The following SH3GL1 variants were observed in gnomAD, a reference collection of about 807,000 sequenced individuals.
The protein encoded by SH3GL1 is endophilin-A2.
SH3GL1 carries 21 observed loss-of-function variants against 48.8 expected under a neutral mutation model. That is an observed-to-expected ratio of 0.43 (90% CI 0.30 to 0.62). SH3GL1 has a LOEUF of 0.62. Among genes scored for constraint, SH3GL1 ranks in the 20% least tolerant of loss-of-function variants. SH3GL1 has a pLI of 0.11. For synonymous variants in SH3GL1, 282 were observed against 217.5 expected (o/e 1.30, Z -2.61); for missense variants, 454 against 503.0 (o/e 0.90, Z 0.93).
intron 1 of SH3GL1, among the ~76,000 whole-genome samples, chr19:4,379,172 C>G (rs190210993): frequency 6.6e-6 from 1 of 152,262 alleles, no homozygotes; most frequent in Non-Finnish European, 1.5e-5. Context: ...AAGCAAAGGA[C>G]TGCCAGGCTT....
At chr19:4,374,665 C>T (rs1033610453) in intron 1 of SH3GL1, among the ~76,000 whole-genome samples, 1 of 152,266 alleles carries the variant, frequency 6.6e-6, no homozygotes, top group African/African-American at 2.4e-5. Flanking sequence ...GGCCTCTGGT[C>T]CGCATGCTGC....
At chr19:4,362,862 G>A in intron 7 of SH3GL1, 126 bp from the exon 8 acceptor site, 1 of 1,452,880 alleles carries the variant, frequency 6.9e-7, no homozygotes, top group Non-Finnish European at 9.5e-7. Flanking sequence ...GTGGGGTTGT[G>A]ACACATGGAC....
rs184996752 is a variant in SH3GL1 at position 4,381,161 on chromosome 19, C to T, written c.46-14167G>A. Among the ~76,000 whole-genome samples the T allele has an allele frequency of 4.4e-4, 55 of 125,490 alleles. 2 individuals are homozygous for T. The South Asian group carries it at 0.01, about 24-fold the overall frequency. The allele number at this position is 125,490 out of a possible 152,430, so 82.3% of individuals were successfully genotyped here. ...TGCCTCTCTGTTCCCCTGCCTCTGT[C>T]TCCCCTGACTCTCTCTGTCCCCCTG... On this transcript the variant is annotated intron_variant, in intron 1 of 9. Transcript: ENST00000269886.
In SH3GL1 at chr19:4,389,223, G is replaced by C. The variant is rs1038313336; in HGVS notation, c.45+11101C>G. On this transcript the variant is annotated intron_variant, in intron 1 of 9. Coordinates refer to ENST00000269886, the MANE Select transcript of SH3GL1 (RefSeq NM_003025.4). This position sits in a 1 kb window ranked among gnomAD's most constrained non-coding sequence, Gnocchi z 4.5. ...CATGCCCGAGCACAGCCCAGCCTCAGGAGCTGCCGTCCGATGGGAGGAGAG... is the reference window on the plus strand; with the variant it reads ...CATGCCCGAGCACAGCCCAGCCTCACGAGCTGCCGTCCGATGGGAGGAGAG... Among the ~76,000 whole-genome samples the C allele has an allele frequency of 3.9e-5, 6 of 152,206 alleles. No individual in the cohort carries two copies. The highest frequency in any genetic ancestry group is 1.4e-4 in the African/African-American group (6 of 41,450).
At chr19:4,368,503 G>A (rs936718762) in intron 1 of SH3GL1, among the ~76,000 whole-genome samples, 5 of 152,212 alleles carry the variant, frequency 3.3e-5, no homozygotes, top group Admixed American at 1.3e-4. Context: ...CGGAGTACAC[G>A]GCTGGTCTTG....
At position 4,397,138 on chromosome 19, in the gene SH3GL1, G is replaced by A. The variant is rs187488865; in HGVS notation, c.45+3186C>T. On this transcript the variant is annotated intron_variant, in intron 1 of 9. Transcript: ENST00000269886. ...AAAAGAGACACAAATAGTCGGATAC[G>A]TCCAGATAACAGCTGAGATGTCAGA... Among the ~76,000 whole-genome samples the A allele has an allele frequency of 1.4e-3, 220 of 152,298 alleles. 2 individuals carry two copies. The highest frequency in any genetic ancestry group is 5.1e-3 in the African/African-American group (212 of 41,562).
At chr19:4,362,519 A>T in intron 8 of SH3GL1, 93 bp downstream of exon 8, 3 of 1,589,078 alleles carry the variant, frequency 1.9e-6, no homozygotes, top group Non-Finnish European at 2.6e-6. Flanking sequence ...TGCACCCAGG[A>T]GTCTGGCGCT....
At position 4,389,228 on chromosome 19, in the gene SH3GL1, T is replaced by C. The variant is rs1199834235; in HGVS notation, c.45+11096A>G. ...CCGAGCACAGCCCAGCCTCAGGAGC[T>C]GCCGTCCGATGGGAGGAGAGCACCT... On this transcript the variant is annotated intron_variant, in intron 1 of 9. Transcript: ENST00000269886. The surrounding 1 kb of genome is among the most constrained non-coding windows in gnomAD (Gnocchi z 4.5). Among the ~76,000 whole-genome samples, 1 of 152,140 alleles carries C rather than the reference T, an allele frequency of 6.6e-6. No individual in the cohort carries two copies. Among genetic ancestry groups the C allele is most frequent in the Non-Finnish European group, 1.5e-5 (1 of 68,018 alleles).
chr19:4,388,382 G>T (rs1299981649), intron 1 of SH3GL1, among the ~76,000 whole-genome samples: 1 of 152,156 alleles, frequency 6.6e-6, no homozygotes, highest in Non-Finnish European at 1.5e-5. Context: ...TTTGAACGCT[G>T]GGACAGGGGA....
At chr19:4,366,335 G>A (rs1490758291) in intron 3 of SH3GL1, among the ~76,000 whole-genome samples, 166 bp downstream of exon 3, 1 of 152,182 alleles carries the variant, frequency 6.6e-6, no homozygotes, top group African/African-American at 2.4e-5. Context: ...GCTGGTTGAG[G>A]TGGAAAGGCA....
intron 1 of SH3GL1, among the ~76,000 whole-genome samples, chr19:4,398,719 A>G (rs889480892): frequency 2.0e-5 from 3 of 152,168 alleles, no homozygotes; most frequent in Non-Finnish European, 4.4e-5. Context: ...AAAATTTTAA[A>G]TGTGCCCAGT....
chr19:4,365,671 C>A, intron 3 of SH3GL1, 46 bp from the exon 4 acceptor site: 1 of 1,610,234 alleles, frequency 6.2e-7, no homozygotes, highest in Non-Finnish European at 8.5e-7. Context: ...GGCCTGCACT[C>A]CTCTGCCCTG....
At chr19:4,368,452 C>A (rs1400162345) in intron 1 of SH3GL1, among the ~76,000 whole-genome samples, 1 of 152,224 alleles carries the variant, frequency 6.6e-6, no homozygotes, top group Non-Finnish European at 1.5e-5. Context: ...ACCATGAGTG[C>A]AAATGCCCCC....
At chr19:4,366,672 C>G in intron 2 of SH3GL1, 99 bp from the exon 3 acceptor site, 3 of 1,147,606 alleles carry the variant, frequency 2.6e-6, no homozygotes, top group Non-Finnish European at 3.8e-6. Flanking sequence ...AGAGCCCATA[C>G]CAGGACCCCC....
rs137884644 is a variant in SH3GL1 at position 4,361,040 on chromosome 19, TGAG to T, written c.*557_*559del. ...GCGGTGAGGCCCTCTGCCCTGGCCTTGAGGAGAAGGAGTGCGTGTGTGAGGCGG... is the reference window on the plus strand; with the variant it reads ...GCGGTGAGGCCCTCTGCCCTGGCCTTGAGAAGGAGTGCGTGTGTGAGGCGG... On this transcript the variant is annotated 3_prime_UTR_variant, in exon 10 of 10. Transcript: ENST00000269886. 1.5e-3 allele frequency: 343 copies of T among 234,130 alleles called. 1 individual carries two copies. The highest frequency in any genetic ancestry group is 2.3e-3 in the Non-Finnish European group (278 of 118,872). 14.5% of individuals were successfully genotyped at this position (234,130 alleles called of 1,614,324 possible).
At chr19:4,379,843 GA>G (rs897739726) in intron 1 of SH3GL1, among the ~76,000 whole-genome samples, 1 of 152,186 alleles carries the variant, frequency 6.6e-6, no homozygotes, top group African/African-American at 2.4e-5. Context: ...ATTTTGGGGG[GA>G]AAGCAGCCCT....
chr19:4,382,979 C>T (rs984153091), intron 1 of SH3GL1, among the ~76,000 whole-genome samples: 3 of 152,132 alleles, frequency 2.0e-5, no homozygotes, highest in African/African-American at 7.2e-5. Context: ...AGTACAGTGG[C>T]ACAATCTTGG....
chr19:4,400,410 C>G lies in SH3GL1; in HGVS notation c.-42G>C. 6.5e-7 allele frequency: 1 copy of G among 1,547,236 alleles called. No homozygotes were observed. The highest frequency in any genetic ancestry group is 8.7e-7 in the Non-Finnish European group (1 of 1,152,938). ...GAGCCTCCCGCCCGGACCGCGCCAG[C>G]GACAGGCTCCCGGGCGCCGCCGACC... On this transcript the variant is annotated 5_prime_UTR_variant, in exon 1 of 10. Coordinates refer to ENST00000269886, the MANE Select transcript of SH3GL1 (RefSeq NM_003025.4). The surrounding 1 kb of genome is among the most constrained non-coding windows in gnomAD (Gnocchi z 4.1).
intron 1 of SH3GL1, among the ~76,000 whole-genome samples, chr19:4,382,953 C>T (rs191230713): frequency 3.3e-4 from 51 of 152,286 alleles, no homozygotes; most frequent in Admixed American, 1.2e-3. Flanking sequence ...GAGTCTCACT[C>T]TGTCGCCCAG....
Sources: allele counts gnomAD v4.1 joint callset (sites outside exome capture counted in the v4.1 genomes callset), GRCh38; gene constraint gnomAD v4.1.1; non-coding constraint Gnocchi (gnomAD v3.1); transcripts MANE v1.5; gene names NCBI Gene and HGNC (gene_info 2026-07-23, HGNC 2026-07-21).